The following PNLIP variants were observed in gnomAD, a reference collection of about 807,000 sequenced individuals.
The protein encoded by PNLIP is pancreatic lipase.
A neutral mutation model predicts 57.1 loss-of-function variants in PNLIP; 49 were observed. The ratio of observed to expected loss-of-function variants is 0.86; its 90% CI spans 0.68 to 1.09. The LOEUF (loss-of-function observed/expected upper bound fraction) is 1.09. Among genes scored for constraint, PNLIP ranks in the 50% least tolerant of loss-of-function variants. PNLIP has a pLI of 0.00. For missense variants in PNLIP, 503 were observed against 570.2 expected (o/e 0.88, Z 1.20); for synonymous variants, 209 against 200.4 (o/e 1.04, Z -0.36).
chr10:116,560,431 T>A lies in PNLIP; in HGVS notation c.1076T>A (p.Val359Glu). The change falls in exon 11 of 13, where the codon GTA becomes GAA. Residue 359 changes from valine (V) to glutamate (E), a missense_variant. By Grantham distance (121) the Val-to-Glu change is moderately radical. Coordinates refer to ENST00000369221, the MANE Select transcript of PNLIP (RefSeq NM_000936.4). ...ASNFARWRYK[V>E]SVTLSGKKVT... ...TCCCTTGCAGGTTGGAGGTATAAGG[T>A]ATCTGTCACACTGTCTGGAAAAAAG... 5.0e-6 allele frequency: 8 copies of A among 1,592,300 alleles called. No homozygotes were observed. Among genetic ancestry groups the A allele is most frequent in the Non-Finnish European group, 6.8e-6 (8 of 1,168,674 alleles).
chr10:116,550,074 T>C (rs956867764), intron 4 of PNLIP, among the ~76,000 whole-genome samples: 2 of 147,040 alleles, frequency 1.4e-5, no homozygotes, highest in African/African-American at 2.6e-5. Context: ...TTTTTTTTTT[T>C]TTGAGATGGA....
At chr10:116,565,249 C>CAAAAAAAA (rs71010093) in intron 12 of PNLIP, among the ~76,000 whole-genome samples, 1 of 33,398 alleles carries the variant, frequency 3.0e-5, no homozygotes. Context: ...GACAATGTCT[C>CAAAAAAAA]AAAAAAAAAA....
At chr10:116,549,552 A>G (rs1281621898) in intron 4 of PNLIP, among the ~76,000 whole-genome samples, 1 of 152,124 alleles carries the variant, frequency 6.6e-6, no homozygotes, top group Non-Finnish European at 1.5e-5. Flanking sequence ...GGCTCAAAGC[A>G]AGGGCAGAAT....
intron 9 of PNLIP, 110 bp from the exon 10 acceptor site, chr10:116,559,044 A>G (rs538922937): frequency 1.5e-6 from 2 of 1,337,566 alleles, no homozygotes; most frequent in East Asian, 2.5e-5. Flanking sequence ...CCCATTTATC[A>G]TCAGAACAGA....
intron 8 of PNLIP, 30 bp from the exon 9 acceptor site, chr10:116,555,970 C>T (rs1487656294): frequency 1.3e-5 from 17 of 1,313,152 alleles, no homozygotes; most frequent in South Asian, 2.4e-5. Flanking sequence ...TAAAATCTGT[C>T]CTTGATGTGT....
At chr10:116,551,290 C>CA (rs5788172) in intron 5 of PNLIP, 58 bp downstream of exon 5, 410 of 542,856 alleles carry the variant, frequency 7.6e-4, no homozygotes, top group South Asian at 2.1e-3. Context: ...ATTATCTTTC[C>CA]AAAAAAAAAA....
intron 12 of PNLIP, 87 bp downstream of exon 12, chr10:116,561,723 C>A: frequency 8.5e-7 from 1 of 1,183,128 alleles, no homozygotes; most frequent in Non-Finnish European, 1.2e-6. Context: ...TAAGTGAAAC[C>A]TCCTACAGGG....
chr10:116,554,985 C>G (rs78642328), intron 6 of PNLIP, among the ~76,000 whole-genome samples, 193 bp from the exon 7 acceptor site: 141 of 152,254 alleles, frequency 9.3e-4, no homozygotes, highest in Middle Eastern at 6.8e-3. Context: ...GACTATGGAG[C>G]CATGAGGAAA....
chr10:116,560,631 G>A (rs537424116), intron 11 of PNLIP, 107 bp downstream of exon 11: 1 of 566,072 alleles, frequency 1.8e-6, no homozygotes, highest in East Asian at 3.1e-5. Context: ...AGGCTGGAGT[G>A]TAGTGGTGCA....
At chr10:116,559,374 A>G in intron 10 of PNLIP, 91 bp downstream of exon 10, 2 of 991,196 alleles carry the variant, frequency 2.0e-6, no homozygotes, top group East Asian at 2.6e-5. Context: ...TTTTCTATAC[A>G]AAAGCTTTAA....
rs149796905 is a variant in PNLIP at position 116,547,364 on chromosome 10, A to C, written c.117A>C (p.Arg39Ser). Residue 39 changes from arginine to serine, a missense_variant, in exon 3 of 13, where the codon AGA (arginine) becomes AGC (serine). Arg to Ser is a moderately radical substitution (Grantham distance 110, BLOSUM62 -1). Coordinates refer to ENST00000369221, the MANE Select transcript of PNLIP (RefSeq NM_000936.4). ...CCCCATGGTCAGGAATTACGGAAAG[A>C]CCCCTCCATATATTGCCTTGGTCTC... Reference protein sequence around the residue: ...DDSPWSGITERPLHILPWSPK... With the variant: ...DDSPWSGITESPLHILPWSPK... 2 of 1,613,812 alleles carry C rather than the reference A, an allele frequency of 1.2e-6. No homozygotes were observed. Among genetic ancestry groups the C allele is most frequent in the African/African-American group, 2.7e-5 (2 of 74,844 alleles).
Position 116,553,731 on chromosome 10 carries a change from C to A in PNLIP, c.464C>A (p.Ala155Glu). 1 of 1,604,384 alleles carries A rather than the reference C, an allele frequency of 6.2e-7. No homozygotes were observed. Residue 155 changes from alanine (A) to glutamate (E), a missense_variant, in exon 6 of 13, where the codon GCG (alanine) becomes GAG (glutamate). By Grantham distance (107) the Ala-to-Glu change is moderately radical. Transcript: ENST00000369221. ...AAAAGGTTTTCTTTCCGACAGTCGG[C>A]GTTCGGTTACTCACCTTCCAATGTG... ...VAYFVEFLQS[A>E]FGYSPSNVHV...
chr10:116,561,956 T>A (rs1210671461), intron 12 of PNLIP, among the ~76,000 whole-genome samples: 1 of 152,202 alleles, frequency 6.6e-6, no homozygotes, highest in Admixed American at 6.5e-5. Context: ...TGTGTGCATC[T>A]TCCAAACTTC....
chr10:116,553,822 C>T lies in PNLIP; in HGVS notation c.555C>T (p.Thr185=). 6.2e-7 allele frequency: 1 copy of T among 1,606,424 alleles called. No individual in the cohort carries two copies. The highest frequency in any genetic ancestry group is 8.5e-7 in the Non-Finnish European group (1 of 1,174,112). The change falls in exon 6 of 13, where the codon ACC becomes ACT. Residue 185 remains threonine (T), a synonymous_variant. Coordinates refer to ENST00000369221, the MANE Select transcript of PNLIP (RefSeq NM_000936.4). The stretch of plus-strand genomic sequence containing the variant: ...AGGCTGGAAGGAGAACCAATGGGAC[C>T]ATTGGACGCATCACAGGTTGGTGAA... The part of the protein sequence containing the change: ...AGEAGRRTNG[T]IGRITGLDPA...
At chr10:116,559,498 T>C (rs1245351628) in intron 10 of PNLIP, among the ~76,000 whole-genome samples, 1 of 152,184 alleles carries the variant, frequency 6.6e-6, no homozygotes, top group East Asian at 1.9e-4. Context: ...CAAAAATAAG[T>C]TTCTTCATAT....
intron 4 of PNLIP, among the ~76,000 whole-genome samples, chr10:116,550,053 CTTTT>C (rs1176488381): frequency 5.1e-5 from 5 of 98,892 alleles, no homozygotes; most frequent in African/African-American, 1.7e-4. Context: ...TTCTCAAATT[CTTTT>C]TTTTTTTTTT....
intron 12 of PNLIP, among the ~76,000 whole-genome samples, chr10:116,566,297 A>G (rs570266852): frequency 6.6e-6 from 1 of 152,348 alleles, no homozygotes; most frequent in South Asian, 2.1e-4. Flanking sequence ...ACTGAATGAA[A>G]AGCTAGACAA....
chr10:116,552,911 A>G (rs1847209961), intron 5 of PNLIP, among the ~76,000 whole-genome samples: 1 of 151,792 alleles, frequency 6.6e-6, no homozygotes, highest in Non-Finnish European at 1.5e-5. Flanking sequence ...TAAAATAAAA[A>G]TTGCATAAAG....
chr10:116,559,088 G>C, intron 9 of PNLIP, 66 bp from the exon 10 acceptor site: 4 of 1,556,874 alleles, frequency 2.6e-6, no homozygotes, highest in Non-Finnish European at 3.5e-6. Flanking sequence ...GCGACAACAT[G>C]TAGGAAATAT....
Sources: gnomAD v4.1 joint callset for allele counts (sites outside exome capture counted in the v4.1 genomes callset) on GRCh38, gnomAD v4.1.1 for gene constraint, MANE v1.5 for transcripts, NCBI Gene and HGNC (gene_info 2026-07-23, HGNC 2026-07-21) for gene names.